The following C8orf74 variants were observed in gnomAD, a reference collection of about 807,000 sequenced individuals.
C8orf74 encodes the protein chromosome 8 open reading frame 74, also known as uncharacterized protein C8orf74.
A neutral mutation model predicts 22.2 loss-of-function variants in C8orf74; 29 were observed. That is an observed-to-expected ratio of 1.31 (90% CI 0.97 to 1.78). The LOEUF (loss-of-function observed/expected upper bound fraction) is 1.78. Ranked by LOEUF, C8orf74 falls within the 40% of genes most tolerant of loss-of-function variation. The probability of loss-of-function intolerance (pLI) is 0.00; values close to 1 mark genes in which losing one functional copy is unlikely to be tolerated. For missense variants in C8orf74, 515 were observed against 369.9 expected (o/e 1.39, Z -3.22); for synonymous variants, 255 against 163.1 (o/e 1.56, Z -4.30).
intron 2 of C8orf74, chr8:10,691,200 A>AC: frequency 2.9e-6 from 1 of 339,772 alleles, no homozygotes; most frequent in Non-Finnish European, 5.9e-6. Context: ...TTGACCCAGG[A>AC]CAAGGTCTAC....
intron 2 of C8orf74, among the ~76,000 whole-genome samples, chr8:10,682,209 C>T (rs911108164): frequency 1.3e-5 from 2 of 152,146 alleles, no homozygotes; most frequent in African/African-American, 2.4e-5. Flanking sequence ...CCTGGAGGGG[C>T]CTTTAAGTGA....
At chr8:10,678,934 G>C (rs541480432) in intron 2 of C8orf74, among the ~76,000 whole-genome samples, 5 of 152,198 alleles carry the variant, frequency 3.3e-5, no homozygotes, top group African/African-American at 1.2e-4. Context: ...AGGGACACTC[G>C]TGAGAGCGAG....
intron 2 of C8orf74, among the ~76,000 whole-genome samples, chr8:10,696,663 G>C (rs1442205434): frequency 2.0e-5 from 3 of 151,762 alleles, no homozygotes; most frequent in African/African-American, 7.3e-5. Flanking sequence ...GGCCAAGCTG[G>C]TCTCGAACTC....
chr8:10,673,210 G>T (rs912440548), intron 1 of C8orf74, among the ~76,000 whole-genome samples: 1 of 152,064 alleles, frequency 6.6e-6, no homozygotes, highest in African/African-American at 2.4e-5. Context: ...CCTTGCCTCA[G>T]GAAAGCAACA....
chr8:10,673,230 G>C (rs986561810), intron 1 of C8orf74, among the ~76,000 whole-genome samples: 12 of 152,150 alleles, frequency 7.9e-5, no homozygotes, highest in African/African-American at 2.7e-4. Context: ...ACTCTTGCGT[G>C]TGGTGGGTGG....
chr8:10,674,855 G>A lies in C8orf74; in HGVS notation c.241+17G>A, dbSNP rs1377000797. ...AAACCAAAGGTATGGTGTGTCCAGG[G>A]CAGGAGTCAGCAGAGGCTGGCGGGA... is the stretch of plus-strand genomic sequence containing the variant. On this transcript the variant is annotated intron_variant, in intron 2 of 3. Transcript: ENST00000304519. The A allele has an allele frequency of 6.4e-7, 1 of 1,568,310 alleles. No homozygotes were observed. Among genetic ancestry groups the A allele is most frequent in the Non-Finnish European group, 8.7e-7 (1 of 1,155,296 alleles).
At chr8:10,682,103 C>G (rs960209847) in intron 2 of C8orf74, among the ~76,000 whole-genome samples, 3 of 152,132 alleles carry the variant, frequency 2.0e-5, no homozygotes, top group Non-Finnish European at 4.4e-5. Context: ...CTCTCAAGAC[C>G]CCTGAAGCAG....
intron 2 of C8orf74, among the ~76,000 whole-genome samples, chr8:10,675,044 T>C (rs1799004650): frequency 6.6e-6 from 1 of 152,256 alleles, no homozygotes; most frequent in African/African-American, 2.4e-5. Context: ...TTCATTGGTC[T>C]GCCTGACTGC....
At chr8:10,694,536 G>A (rs1250799424) in intron 2 of C8orf74, among the ~76,000 whole-genome samples, 1 of 152,048 alleles carries the variant, frequency 6.6e-6, no homozygotes, top group Non-Finnish European at 1.5e-5. Context: ...GAGCAGGTGG[G>A]GAATAATCAA....
chr8:10,676,917 T>A (rs1228442577), intron 2 of C8orf74, among the ~76,000 whole-genome samples: 1 of 152,124 alleles, frequency 6.6e-6, no homozygotes. Flanking sequence ...CAAGTCCCCA[T>A]CAGAGCCTCC....
Position 10,700,436 on chromosome 8 carries a change from G to A in C8orf74, c.850G>A (p.Ala284Thr). 9 of 1,603,128 alleles carry A rather than the reference G, an allele frequency of 5.6e-6. No individual in the cohort carries two copies. Among genetic ancestry groups the A allele is most frequent in the Non-Finnish European group, 6.0e-6 (7 of 1,174,548 alleles). The stretch of plus-strand genomic sequence containing the variant: ...GGAGGAAGCCCTGAAGCCCCAAAGA[G>A]CGAGCAAAGGAAAGAAAGCGAAGGC... ...GQEEALKPQR[A>T]SKGKKAKARK The change falls in exon 4 of 4, where the codon GCG becomes ACG. Residue 284 changes from alanine to threonine, a missense_variant. Ala to Thr is a moderately conservative substitution (Grantham distance 58). Transcript: ENST00000304519.
At position 10,697,765 on chromosome 8, in the gene C8orf74, C is replaced by T; in HGVS notation, c.408C>T (p.Asp136=). 1.2e-6 allele frequency: 2 copies of T among 1,614,078 alleles called. No individual in the cohort carries two copies. Among genetic ancestry groups the T allele is most frequent in the Non-Finnish European group, 1.7e-6 (2 of 1,179,912 alleles). ...TCCTGGGCCAGGACCAGCAGGTCGA[C>T]CTGACCGTTGCCCACCTGGAGGTGT... ...QYVLGQDQQV[D]LTVAHLEVCM... is the part of the protein sequence containing the mutation. The change falls in exon 3 of 4, where the codon GAC becomes GAT. Residue 136 remains aspartate, a synonymous_variant. Coordinates refer to ENST00000304519, the MANE Select transcript of C8orf74 (RefSeq NM_001040032.2).
chr8:10,697,626 T>A lies in C8orf74; in HGVS notation c.269T>A (p.Ile90Asn). ...KGCSITEAVT[I>N]LGNKLRDYRG... Reference sequence around the variant, plus strand: ...TGCTCCATTACTGAGGCTGTGACGATCCTGGGGAACAAGCTTAGAGATTAC... The same window carrying A: ...TGCTCCATTACTGAGGCTGTGACGAACCTGGGGAACAAGCTTAGAGATTAC... Residue 90 changes from isoleucine (I) to asparagine (N), a missense_variant, in exon 3 of 4, where the codon ATC becomes AAC. Transcript: ENST00000304519. 6 of 1,613,938 alleles carry A rather than the reference T, an allele frequency of 3.7e-6. No homozygotes were observed. Among genetic ancestry groups the A allele is most frequent in the Non-Finnish European group, 5.1e-6 (6 of 1,179,884 alleles).
chr8:10,697,620 T>C lies in C8orf74; in HGVS notation c.263T>C (p.Val88Ala), dbSNP rs1799551293. The C allele has an allele frequency of 6.2e-7, 1 of 1,613,914 alleles. No homozygotes were observed. Among genetic ancestry groups the C allele is most frequent in the Middle Eastern group, 1.7e-4 (1 of 6,060 alleles). ...ETKGCSITEA[V>A]TILGNKLRDY... ...ACAGGCTGCTCCATTACTGAGGCTG[T>C]GACGATCCTGGGGAACAAGCTTAGA... The change falls in exon 3 of 4, where the codon GTG becomes GCG. Residue 88 changes from valine to alanine, a missense_variant. Transcript: ENST00000304519.
intron 2 of C8orf74, among the ~76,000 whole-genome samples, chr8:10,676,377 C>G (rs761090300): frequency 1.3e-5 from 2 of 152,132 alleles, no homozygotes; most frequent in Non-Finnish European, 2.9e-5. Context: ...CTCACCACTT[C>G]TGACCACCCC....
intron 2 of C8orf74, among the ~76,000 whole-genome samples, chr8:10,685,320 G>C (rs1224521685): frequency 2.0e-5 from 3 of 152,182 alleles, no homozygotes; most frequent in East Asian, 1.9e-4. Context: ...TGAAAGTGGA[G>C]ACTTGGGGAG....
chr8:10,700,520 C>G lies in C8orf74; in HGVS notation c.*49C>G. The G allele has an allele frequency of 7.9e-7, 1 of 1,260,006 alleles. No homozygotes were observed. The highest frequency in any genetic ancestry group is 1.1e-6 in the Non-Finnish European group (1 of 915,978). 78.1% of individuals were successfully genotyped at this position (1,260,006 alleles called of 1,614,324 possible). On this transcript the variant is annotated 3_prime_UTR_variant, in exon 4 of 4. Transcript: ENST00000304519. ...CTGACTGGGGACCAGCCACCCATAA[C>G]CATGAGCCTTGCGGCACGGTGAGCT...
intron 2 of C8orf74, among the ~76,000 whole-genome samples, chr8:10,695,333 TC>T (rs925475835): frequency 6.6e-6 from 1 of 152,086 alleles, no homozygotes; most frequent in African/African-American, 2.4e-5. Context: ...CCCAGTACCC[TC>T]CCGAGAGGAG....
chr8:10,693,680 C>T (rs1425765028), intron 2 of C8orf74, among the ~76,000 whole-genome samples: 6 of 152,136 alleles, frequency 3.9e-5, no homozygotes, highest in African/African-American at 4.8e-5. Flanking sequence ...CAGACGTCAG[C>T]GTCTCATCAT....
Sources: gnomAD v4.1 joint callset for allele counts (sites outside exome capture counted in the v4.1 genomes callset) on GRCh38, gnomAD v4.1.1 for gene constraint, MANE v1.5 for transcripts, NCBI Gene and HGNC (gene_info 2026-07-23, HGNC 2026-07-21) for gene names.